Variants in PARD3B observed in about 807,000 individuals in gnomAD.
PARD3B encodes the protein par-3 family cell polarity regulator beta.
A neutral mutation model predicts 130.2 loss-of-function variants in PARD3B; 103 were observed. That is an observed-to-expected ratio of 0.79 (90% CI 0.67 to 0.93). PARD3B has a LOEUF of 0.93. Ranked by LOEUF, PARD3B falls within the 40% of genes least tolerant of loss-of-function variation. The pLI, the probability that PARD3B is intolerant of heterozygous loss-of-function variation, is 0.00. For synonymous variants in PARD3B, 583 were observed against 553.2 expected (o/e 1.05, Z -0.76); for missense variants, 1,609 against 1,499.2 (o/e 1.07, Z -1.21).
chr2:205,292,231 C>A lies in PARD3B; in HGVS notation c.2186-8299C>A, dbSNP rs1574614493. ...GCTGGTGCAGAGAGCTGTAGTAGAG[C>A]CCTCATGAATGGGATTAGTTTCCTT... On this transcript the variant is annotated intron_variant, in intron 16 of 22. Transcript: ENST00000406610. The surrounding 1 kb of genome is among the most constrained non-coding windows in gnomAD (Gnocchi z 5.3). Among the ~76,000 whole-genome samples the A allele has an allele frequency of 1.3e-5, 2 of 152,146 alleles. No individual in the cohort carries two copies. Among genetic ancestry groups the A allele is most frequent in the South Asian group, 4.2e-4 (2 of 4,816 alleles).
At chr2:205,348,738 G>A (rs986982825) in intron 18 of PARD3B, among the ~76,000 whole-genome samples, 3 of 152,152 alleles carry the variant, frequency 2.0e-5, no homozygotes, top group East Asian at 1.9e-4. Context: ...TGAAAAACAT[G>A]CATGCTCTTT....
chr2:204,953,278 C>T (rs1689947359), intron 2 of PARD3B, among the ~76,000 whole-genome samples: 1 of 151,974 alleles, frequency 6.6e-6, no homozygotes, highest in African/African-American at 2.4e-5. Flanking sequence ...TGTTATTCAA[C>T]CATATGAATT....
intron 2 of PARD3B, among the ~76,000 whole-genome samples, chr2:204,729,315 A>G (rs1428180299): frequency 6.6e-6 from 1 of 152,166 alleles, no homozygotes; most frequent in East Asian, 1.9e-4. Context: ...TGGCTCTTGC[A>G]GAATAAAGAC....
At chr2:205,296,684 T>A (rs1020405889) in intron 16 of PARD3B, among the ~76,000 whole-genome samples, 31 of 151,726 alleles carry the variant, frequency 2.0e-4, no homozygotes, top group Admixed American at 3.9e-4. Flanking sequence ...TGTGTGTGTG[T>A]GTGTGTGTGT....
At position 204,673,267 on chromosome 2, in the gene PARD3B, A is replaced by G. The variant is rs1327636683; in HGVS notation, c.121-12914A>G. ...TGTAAGTCCCTTCTTCTTCCTTTCT[A>G]GAAGTATTTTCTTTTAAAAGAAAAG... On this transcript the variant is annotated intron_variant, in intron 1 of 22. Coordinates refer to ENST00000406610, the MANE Select transcript of PARD3B (RefSeq NM_001302769.2). This position sits in a 1 kb window ranked among gnomAD's most constrained non-coding sequence, Gnocchi z 4.7. Among the ~76,000 whole-genome samples the G allele has an allele frequency of 6.6e-6, 1 of 152,216 alleles. No homozygotes were observed. Among genetic ancestry groups the G allele is most frequent in the Non-Finnish European group, 1.5e-5 (1 of 68,044 alleles).
rs1279940353 is a variant in PARD3B at position 205,592,495 on chromosome 2, A to G, written c.3261-22961A>G. 6.6e-6 allele frequency among the ~76,000 whole-genome samples: 1 copy of G among 152,194 alleles called. No homozygotes were observed. The highest frequency in any genetic ancestry group is 1.5e-5 in the Non-Finnish European group (1 of 68,036). On this transcript the variant is annotated intron_variant, in intron 22 of 22. Transcript: ENST00000406610. The surrounding 1 kb of genome is among the most constrained non-coding windows in gnomAD (Gnocchi z 4.5). ...GCCAGGCACTGGAGAGTGAACGGTG[A>G]ACTCGGTAATAGTCCTTACCATCAC...
At chr2:205,531,700 C>G (rs2051602148) in intron 21 of PARD3B, among the ~76,000 whole-genome samples, 2 of 152,038 alleles carry the variant, frequency 1.3e-5, no homozygotes, top group African/African-American at 2.4e-5. Flanking sequence ...ACACCACTCT[C>G]AGACCCCTGC....
chr2:204,928,171 T>C (rs1394630112), intron 2 of PARD3B, among the ~76,000 whole-genome samples: 1 of 152,092 alleles, frequency 6.6e-6, no homozygotes, highest in African/African-American at 2.4e-5. Flanking sequence ...CCTGGTTTCA[T>C]ATGACCTTGG....
At chr2:205,200,775 C>G (rs921334923) in intron 15 of PARD3B, among the ~76,000 whole-genome samples, 1 of 152,086 alleles carries the variant, frequency 6.6e-6, no homozygotes, top group African/African-American at 2.4e-5. Context: ...AAGCCAAATT[C>G]AGGTAGAGAG....
In PARD3B at chr2:205,440,372, T is replaced by C; in HGVS notation, c.2744T>C (p.Ile915Thr). 4 of 1,613,570 alleles carry C rather than the reference T, an allele frequency of 2.5e-6. No individual in the cohort carries two copies. Among genetic ancestry groups the C allele is most frequent in the Non-Finnish European group, 3.4e-6 (4 of 1,179,590 alleles). The change falls in exon 20 of 23, where the codon ATT (isoleucine) becomes ACT (threonine). Residue 915 changes from isoleucine (I) to threonine (T), a missense_variant and splice_region_variant. Physicochemically the swap from Ile to Thr is moderately conservative, Grantham distance 89. Transcript: ENST00000406610. This position sits in a 1 kb window ranked among gnomAD's most constrained non-coding sequence, Gnocchi z 4.2. ...LEKMKEERERIGAKHQELREK... is the reference protein window; with the variant it reads ...LEKMKEERERTGAKHQELREK... ...GCTACCTGTACTGTATTTTTCAGGA[T>C]TGGAGCAAAACATCAGGAGCTAAGG...
intron 2 of PARD3B, among the ~76,000 whole-genome samples, chr2:204,948,885 C>T (rs1454238564): frequency 6.6e-6 from 1 of 152,126 alleles, no homozygotes; most frequent in Admixed American, 6.5e-5. Context: ...AGGACCCTTC[C>T]CAAGTCTTTT....
chr2:205,088,394 A>G (rs140666558), intron 4 of PARD3B, among the ~76,000 whole-genome samples: 1 of 152,302 alleles, frequency 6.6e-6, no homozygotes, highest in South Asian at 2.1e-4. Flanking sequence ...AAGAAAATAA[A>G]TAGATTGTTA....
intron 18 of PARD3B, among the ~76,000 whole-genome samples, chr2:205,323,214 C>G (rs1340601705): frequency 6.6e-6 from 1 of 151,830 alleles, no homozygotes; most frequent in African/African-American, 2.4e-5. Context: ...TGGCCTAACA[C>G]CCCCTTTTAA....
At chr2:205,469,529 C>G (rs565559710) in intron 20 of PARD3B, among the ~76,000 whole-genome samples, 6 of 152,242 alleles carry the variant, frequency 3.9e-5, no homozygotes, top group Non-Finnish European at 4.4e-5. Flanking sequence ...ACTTTTTCAC[C>G]CCATCCAGTC....
intron 22 of PARD3B, among the ~76,000 whole-genome samples, chr2:205,600,813 G>C (rs929257890): frequency 6.6e-6 from 1 of 152,218 alleles, no homozygotes; most frequent in African/African-American, 2.4e-5. Flanking sequence ...CTCCATCCAC[G>C]TCCCTGCAAA....
chr2:205,486,089 G>A (rs1314324548), intron 20 of PARD3B, among the ~76,000 whole-genome samples: 1 of 152,162 alleles, frequency 6.6e-6, no homozygotes, highest in African/African-American at 2.4e-5. Flanking sequence ...TTAAATAAAT[G>A]TACACATCAG....
rs1559553042 is a variant in PARD3B at position 205,217,885 on chromosome 2, TATATA to T, written c.2140+24566_2140+24570del. ...GTGTGTGTGTATATATATATATATA[TATATA>T]TATATTTTTTTTTTTATTTTTTTGA... On this transcript the variant is annotated intron_variant, in intron 15 of 22. Coordinates refer to ENST00000406610, the MANE Select transcript of PARD3B (RefSeq NM_001302769.2). Among the ~76,000 whole-genome samples the T allele has an allele frequency of 6.0e-5, 6 of 100,086 alleles. 1 individual carries two copies. Among genetic ancestry groups the T allele is most frequent in the South Asian group, 3.1e-4 (1 of 3,190 alleles). 65.7% of individuals were successfully genotyped at this position (100,086 alleles called of 152,430 possible). A position where few individuals can be genotyped will look rare whatever the true frequency, so the allele number is the denominator to read the frequency against.
intron 5 of PARD3B, among the ~76,000 whole-genome samples, chr2:205,111,285 A>T (rs2125592636): frequency 6.6e-6 from 1 of 152,150 alleles, no homozygotes; most frequent in East Asian, 1.9e-4. Flanking sequence ...AGTTATCAAA[A>T]ATGCTTCTAG....
chr2:204,886,309 C>G (rs1234572606), intron 2 of PARD3B, among the ~76,000 whole-genome samples: 1 of 152,090 alleles, frequency 6.6e-6, no homozygotes, highest in African/African-American at 2.4e-5. Context: ...TTTATGAGTT[C>G]CCATCATAAG....
Sources: allele counts gnomAD v4.1 joint callset (sites outside exome capture counted in the v4.1 genomes callset), GRCh38; gene constraint gnomAD v4.1.1; non-coding constraint Gnocchi (gnomAD v3.1); transcripts MANE v1.5; gene names NCBI Gene and HGNC (gene_info 2026-07-23, HGNC 2026-07-21).